SPRY3: variants seen among roughly 807,000 people sequenced by gnomAD.
The protein encoded by SPRY3 is protein sprouty homolog 3.
In SPRY3, 15 loss-of-function variants were observed where a neutral mutation model predicts 20.2. That is an observed-to-expected ratio of 0.74 (90% CI 0.50 to 1.14). The LOEUF (loss-of-function observed/expected upper bound fraction) is 1.14. Among genes scored for constraint, SPRY3 ranks in the 50% most tolerant of loss-of-function variants. SPRY3 has a pLI of 0.00. For missense variants in SPRY3, 364 were observed against 363.9 expected (o/e 1.00, Z 0.00); for synonymous variants, 143 against 136.5 (o/e 1.05, Z -0.33).
intron 2 of SPRY3, among the ~76,000 whole-genome samples, chrX:155,677,270 G>A (rs1397695042): frequency 8.1e-5 from 9 of 111,619 alleles, no homozygotes; most frequent in Non-Finnish European, 1.7e-4. Flanking sequence ...GTTAGATGTT[G>A]CATGTGAAAA....
rs755374897 is a variant in SPRY3, at chrX:155,738,637, C to CA, written c.-281-29324dup. Reference sequence around the variant, plus strand: ...TACAGAGCCAGGACAGCCCCACCCCCAGCCAAGGGAGTTGGTGAGTGATCA... The same window carrying CA: ...TACAGAGCCAGGACAGCCCCACCCCCAAGCCAAGGGAGTTGGTGAGTGATCA... On this transcript the variant is annotated intron_variant, in intron 2 of 3. Transcript: ENST00000675360. 4.8e-3 allele frequency among the ~76,000 whole-genome samples: 730 copies of CA among 152,236 alleles called. 3 individuals are homozygous for CA. The highest frequency in any genetic ancestry group is 0.016 in the African/African-American group (676 of 41,542).
intron 1 of SPRY3, among the ~76,000 whole-genome samples, chrX:155,640,794 G>A (rs782602889): frequency 4.6e-4 from 51 of 111,898 alleles, no homozygotes; most frequent in Non-Finnish European, 7.7e-4. Flanking sequence ...AAACTTTACT[G>A]AATTTGTTTT....
chrX:155,756,556 G>A (rs903002574), intron 2 of SPRY3, among the ~76,000 whole-genome samples: 1 of 152,116 alleles, frequency 6.6e-6, no homozygotes, highest in African/African-American at 2.4e-5. Flanking sequence ...TGTCATGCTT[G>A]TGTGACTTAG....
intron 2 of SPRY3, among the ~76,000 whole-genome samples, chrX:155,728,374 C>G (rs1224372250): frequency 3.9e-5 from 6 of 152,214 alleles, no homozygotes; most frequent in Non-Finnish European, 7.3e-5. Flanking sequence ...TAAGTCTGCA[C>G]AAGTTTCTGC....
chrX:155,660,526 C>T (rs1317413666), intron 2 of SPRY3, among the ~76,000 whole-genome samples: 1 of 111,624 alleles, frequency 9.0e-6, no homozygotes, highest in Non-Finnish European at 1.9e-5. Context: ...CTATAAATGT[C>T]TGTTGGGTCT....
At chrX:155,719,740 G>C (rs968048593) in intron 2 of SPRY3, among the ~76,000 whole-genome samples, 2 of 152,014 alleles carry the variant, frequency 1.3e-5, no homozygotes, top group Non-Finnish European at 2.9e-5. Flanking sequence ...GAAGGTCACT[G>C]CCTTCAAGGG....
intron 1 of SPRY3, among the ~76,000 whole-genome samples, chrX:155,632,347 C>A (rs1256215173): frequency 9.0e-6 from 1 of 110,807 alleles, no homozygotes; most frequent in Non-Finnish European, 1.9e-5. Flanking sequence ...TATTAGTCGC[C>A]TAGTGCTACA....
intron 2 of SPRY3, among the ~76,000 whole-genome samples, chrX:155,673,440 T>C (rs937851074): frequency 4.5e-5 from 5 of 111,435 alleles, no homozygotes; most frequent in Middle Eastern, 4.2e-3. Flanking sequence ...TGTTGGTTTT[T>C]GTAAATTTTG....
intron 2 of SPRY3, among the ~76,000 whole-genome samples, chrX:155,736,628 T>G (rs1480086523): frequency 6.6e-6 from 1 of 152,100 alleles, no homozygotes; most frequent in Non-Finnish European, 1.5e-5. Flanking sequence ...TTATCTTTGC[T>G]TTCCTGTAGT....
intron 2 of SPRY3, among the ~76,000 whole-genome samples, chrX:155,734,535 A>G (rs1569390436): frequency 1.3e-5 from 2 of 152,036 alleles, no homozygotes; most frequent in Non-Finnish European, 2.9e-5. Flanking sequence ...AGTAATGAAA[A>G]AGTTTGAAAT....
chrX:155,630,518 G>GT (rs782796699), intron 1 of SPRY3, among the ~76,000 whole-genome samples: 5 of 111,651 alleles, frequency 4.5e-5, no homozygotes, highest in Non-Finnish European at 7.5e-5. Flanking sequence ...TGACAGTGGT[G>GT]TTTTTTCTTT....
chrX:155,774,165 G>C, exon 4 of SPRY3: 1 of 1,613,968 alleles, frequency 6.2e-7, no homozygotes, highest in Non-Finnish European at 8.5e-7. Context: ...CTGATCAAAG[G>C]CTCTTGGCCA....
rs1458985145 is a variant in SPRY3, at chrX:155,656,000, C to T, written c.-440-867C>T. Reference sequence around the variant, plus strand: ...CTGATGGGCTTCCCTATGTAGGTAACCTGACCTTTCTCTCTGGCTGCCCTT... The same window carrying T: ...CTGATGGGCTTCCCTATGTAGGTAATCTGACCTTTCTCTCTGGCTGCCCTT... On this transcript the variant is annotated intron_variant, in intron 1 of 3. Transcript: ENST00000675360. Among the ~76,000 whole-genome samples, 3 of 111,934 alleles carry T rather than the reference C, an allele frequency of 2.7e-5. No homozygotes were observed. In the Admixed American group the frequency reaches 2.8e-4, roughly 11 times the overall value.
At chrX:155,733,414 G>GAT (rs914119938) in intron 2 of SPRY3, among the ~76,000 whole-genome samples, 42 of 148,372 alleles carry the variant, frequency 2.8e-4, no homozygotes, top group South Asian at 6.4e-4. Context: ...ATATGCTGAA[G>GAT]ATATATATAT....
intron 1 of SPRY3, chrX:155,613,017 C>T (rs999611244): frequency 8.9e-6 from 1 of 112,322 alleles, no homozygotes; most frequent in South Asian, 3.7e-4. Context: ...GGACTTCGCC[C>T]GGTGCTAGGG....
chrX:155,739,538 G>C (rs1292194393), intron 2 of SPRY3, among the ~76,000 whole-genome samples: 3 of 152,134 alleles, frequency 2.0e-5, no homozygotes, highest in South Asian at 2.1e-4. Flanking sequence ...GGGGTCTCCA[G>C]ATACCTCCTA....
At chrX:155,704,405 C>T (rs893933831) in intron 2 of SPRY3, among the ~76,000 whole-genome samples, 1 of 151,624 alleles carries the variant, frequency 6.6e-6, no homozygotes. Flanking sequence ...GAACTGACAC[C>T]TCTGAGGACA....
chrX:155,773,307 G>T (rs868102857), intron 3 of SPRY3, among the ~76,000 whole-genome samples: 6 of 120,710 alleles, frequency 5.0e-5, no homozygotes, highest in South Asian at 2.8e-4. Flanking sequence ...ATTTTGATTG[G>T]ATATATATAT....
At chrX:155,673,795 G>A (rs1557355027) in intron 2 of SPRY3, among the ~76,000 whole-genome samples, 1 of 112,036 alleles carries the variant, frequency 8.9e-6, no homozygotes, top group African/African-American at 3.2e-5. Context: ...TTAAGAGAGG[G>A]CAGCCCTCTT....
Sources: gnomAD v4.1 joint callset for allele counts (sites outside exome capture counted in the v4.1 genomes callset) on GRCh38, gnomAD v4.1.1 for gene constraint, MANE v1.5 for transcripts, NCBI Gene and HGNC (gene_info 2026-07-23, HGNC 2026-07-21) for gene names.